SLC43A2: variants seen among roughly 807,000 people sequenced by gnomAD.
The protein encoded by SLC43A2 is solute carrier family 43 member 2.
Under a neutral mutation model 63.2 loss-of-function variants are expected in SLC43A2, and 38 were observed. The observed-to-expected ratio is 0.60, with a 90% CI of 0.46 to 0.79. SLC43A2 has a LOEUF of 0.79. Ranked by LOEUF, SLC43A2 falls within the 30% of genes least tolerant of loss-of-function variation. SLC43A2 has a pLI of 0.00. For synonymous variants in SLC43A2, 322 were observed against 331.0 expected, an observed-to-expected ratio of 0.97 and a Z score of 0.30; for missense variants, 644 against 756.2, an observed-to-expected ratio of 0.85 and a Z score of 1.74.
In SLC43A2 at chr17:1,582,285, G is replaced by A. The variant is rs1378389112; in HGVS notation, c.1350+919C>T. Among the ~76,000 whole-genome samples the A allele has an allele frequency of 5.3e-5, 8 of 152,076 alleles. No individual in the cohort carries two copies. In the East Asian group the frequency reaches 1.2e-3, roughly 22 times the overall value. ...TGTAGAGACAGGGTTTCACCAAGTC[G>A]CCCAGGCTGGTCTCAAACTCCTGAG... On this transcript the variant is annotated intron_variant, in intron 11 of 13. Transcript: ENST00000301335.
At chr17:1,579,638 C>A (rs186586511) in intron 11 of SLC43A2, among the ~76,000 whole-genome samples, 1 of 152,050 alleles carries the variant, frequency 6.6e-6, no homozygotes, top group East Asian at 1.9e-4. Flanking sequence ...GAGTTCCAGA[C>A]CAGCCTGGGC....
rs981898266 is a variant in SLC43A2, at chr17:1,614,811, G to A, written c.424+168C>T. Among the ~76,000 whole-genome samples, 10 of 152,126 alleles carry A rather than the reference G, an allele frequency of 6.6e-5. No homozygotes were observed. The highest frequency in any genetic ancestry group is 4.6e-4 in the Admixed American group (7 of 15,248). On this transcript the variant is annotated intron_variant, in intron 4 of 13. Coordinates refer to ENST00000301335, the MANE Select transcript of SLC43A2 (RefSeq NM_152346.3). ...TCTGGGGTGGCTGCTCTCTGATCTCGCCGTCTATTTGAGATAAGTAACTGA... is the reference window on the plus strand; with the variant it reads ...TCTGGGGTGGCTGCTCTCTGATCTCACCGTCTATTTGAGATAAGTAACTGA...
chr17:1,614,034 G>A (rs1907365228), intron 4 of SLC43A2, among the ~76,000 whole-genome samples: 2 of 152,134 alleles, frequency 1.3e-5, no homozygotes, highest in South Asian at 4.1e-4. Flanking sequence ...ACGAGGTCAG[G>A]AGATCAAGAC....
chr17:1,585,514 G>T (rs2076088026), intron 10 of SLC43A2: 3 of 436,540 alleles, frequency 6.9e-6, no homozygotes, highest in South Asian at 2.0e-5. Context: ...CCAAAGTGTT[G>T]GTATTATAGG....
intron 5 of SLC43A2, chr17:1,604,502 A>G: frequency 1.8e-6 from 1 of 561,422 alleles, no homozygotes; most frequent in Non-Finnish European, 3.2e-6. Context: ...AGCCCTCCTT[A>G]GGCAACCTGG....
At chr17:1,598,151 G>C (rs1005981840) in intron 5 of SLC43A2, among the ~76,000 whole-genome samples, 2 of 152,164 alleles carry the variant, frequency 1.3e-5, no homozygotes, top group African/African-American at 4.8e-5. Flanking sequence ...GGCCAGGCGC[G>C]GTGGCTCACG....
intron 5 of SLC43A2, among the ~76,000 whole-genome samples, chr17:1,596,520 T>C (rs953663145): frequency 2.6e-4 from 40 of 151,988 alleles, no homozygotes; most frequent in African/African-American, 9.7e-4. Context: ...CCAACAGTTA[T>C]TCAAAAAACA....
At chr17:1,610,329 T>C (rs755824397) in intron 5 of SLC43A2, among the ~76,000 whole-genome samples, 33 of 151,540 alleles carry the variant, frequency 2.2e-4, no homozygotes, top group Admixed American at 1.3e-4. Context: ...GTGGTGTCAT[T>C]GTGGCATACT....
chr17:1,583,055 A>G lies in SLC43A2; in HGVS notation c.1350+149T>C, dbSNP rs934434449. 2 of 868,438 alleles carry G rather than the reference A, an allele frequency of 2.3e-6. No individual in the cohort carries two copies. Among genetic ancestry groups the G allele is most frequent in the East Asian group, 2.7e-5 (1 of 37,568 alleles). 53.8% of individuals were successfully genotyped at this position (868,438 alleles called of 1,614,324 possible). On this transcript the variant is annotated intron_variant, in intron 11 of 13. Transcript: ENST00000301335. This position sits in a 1 kb window ranked among gnomAD's most constrained non-coding sequence, Gnocchi z 5.5. ...GATCACACCACTGCACTCCAGCCTG[A>G]GCAACAGAGTTTGACTCTGTCTCAA...
At position 1,574,776 on chromosome 17, in the gene SLC43A2, C is replaced by T. The variant is rs1449141372; in HGVS notation, c.*828G>A. ...CCCCGACCCCACACACACCTCGGAC[C>T]CACCCACGTCCCCACCCCGGCCTGG... On this transcript the variant is annotated 3_prime_UTR_variant, in exon 14 of 14. Coordinates refer to ENST00000301335, the MANE Select transcript of SLC43A2 (RefSeq NM_152346.3). 1.3e-5 allele frequency: 2 copies of T among 152,510 alleles called. No individual in the cohort carries two copies. Among genetic ancestry groups the T allele is most frequent in the African/African-American group, 4.8e-5 (2 of 41,460 alleles). The allele number at this position is 152,510 out of a possible 1,614,324, so 9.4% of individuals were successfully genotyped here.
At chr17:1,604,419 A>G in intron 5 of SLC43A2, 1 of 309,136 alleles carries the variant, frequency 3.2e-6, no homozygotes, top group South Asian at 7.0e-5. Flanking sequence ...CGCAGTGGCT[A>G]TTCACAGGCA....
rs369788682 is a variant in SLC43A2, at chr17:1,595,101, C to A, written c.502-1822G>T. On this transcript the variant is annotated intron_variant, in intron 5 of 13. Coordinates refer to ENST00000301335, the MANE Select transcript of SLC43A2 (RefSeq NM_152346.3). ...TTCGAGATCAGCCTGGCAAACATGG[C>A]GAAACCCTGTCTCTACTAAAAATAC... is the stretch of plus-strand genomic sequence containing the variant. Among the ~76,000 whole-genome samples, 3 of 151,842 alleles carry A rather than the reference C, an allele frequency of 2.0e-5. No homozygotes were observed. The South Asian group carries it at 6.3e-4, about 32-fold the overall frequency.
At chr17:1,609,181 A>G (rs959138809) in intron 5 of SLC43A2, among the ~76,000 whole-genome samples, 1 of 152,172 alleles carries the variant, frequency 6.6e-6, no homozygotes, top group African/African-American at 2.4e-5. Flanking sequence ...ACACTCGTGT[A>G]CGTGCTGGTG....
chr17:1,586,928 T>TGGCCCCCC, intron 9 of SLC43A2: 47 of 1,232,762 alleles, frequency 3.8e-5, no homozygotes, highest in Non-Finnish European at 4.8e-5. Flanking sequence ...TCCCTGACAA[T>TGGCCCCCC]CCCCCCCACC....
At chr17:1,618,199 G>A (rs773683827) in intron 2 of SLC43A2, among the ~76,000 whole-genome samples, 25 of 152,252 alleles carry the variant, frequency 1.6e-4, no homozygotes, top group Non-Finnish European at 2.5e-4. Context: ...CGCCGGGGCC[G>A]TGTGGATGAA....
chr17:1,604,434 C>G (rs983177887), intron 5 of SLC43A2: 6 of 405,062 alleles, frequency 1.5e-5, no homozygotes, highest in Non-Finnish European at 2.7e-5. Flanking sequence ...CAGGCATGAT[C>G]CCTCTACTGA....
In SLC43A2 at chr17:1,606,293, T is replaced by C. The variant is rs541470567; in HGVS notation, c.501+6902A>G. Among the ~76,000 whole-genome samples the C allele has an allele frequency of 2.0e-5, 3 of 152,216 alleles. No individual in the cohort carries two copies. In the South Asian group the frequency reaches 6.2e-4, roughly 32 times the overall value. ...TCTGGGGGCATCTGCCATCCTGCCC[T>C]CCTCTCCAGGATCTGAAGAGGGATG... is the stretch of plus-strand genomic sequence containing the variant. On this transcript the variant is annotated intron_variant, in intron 5 of 13. Transcript: ENST00000301335. This position sits in a 1 kb window ranked among gnomAD's most constrained non-coding sequence, Gnocchi z 4.7.
chr17:1,580,512 G>A (rs1479440410), intron 11 of SLC43A2, among the ~76,000 whole-genome samples: 3 of 152,096 alleles, frequency 2.0e-5, no homozygotes, highest in Admixed American at 6.6e-5. Flanking sequence ...CACCTCCCTC[G>A]TGAAGTGTTT....
At chr17:1,575,929 C>T (rs2075920638) in intron 13 of SLC43A2, among the ~76,000 whole-genome samples, 164 bp from the exon 14 acceptor site, 1 of 152,220 alleles carries the variant, frequency 6.6e-6, no homozygotes, top group Non-Finnish European at 1.5e-5. Flanking sequence ...CGGTTCCCAA[C>T]TCTTCACAGG....
Sources: allele counts gnomAD v4.1 joint callset (sites outside exome capture counted in the v4.1 genomes callset), GRCh38; gene constraint gnomAD v4.1.1; non-coding constraint Gnocchi (gnomAD v3.1); transcripts MANE v1.5; gene names NCBI Gene and HGNC (gene_info 2026-07-23, HGNC 2026-07-21).